The following ABL2 variants were observed in gnomAD, a reference collection of about 807,000 sequenced individuals.
ABL2 encodes the protein tyrosine-protein kinase ABL2.
ABL2 carries 49 observed loss-of-function variants against 107.7 expected under a neutral mutation model. That is an observed-to-expected ratio of 0.45 (90% CI 0.36 to 0.58). The LOEUF (loss-of-function observed/expected upper bound fraction) is 0.58, where lower values mean the gene tolerates loss of function less well. Among genes scored for constraint, ABL2 ranks in the 20% least tolerant of loss-of-function variants. The pLI is 0.00. For missense variants in ABL2, 1,245 were observed against 1,457.0 expected, an observed-to-expected ratio of 0.85 and a Z score of 2.37; for synonymous variants, 549 against 548.6, an observed-to-expected ratio of 1.00 and a Z score of -0.01.
At chr1:179,174,291 TAAA>T (rs1356030133) in intron 1 of ABL2, among the ~76,000 whole-genome samples, 1 of 117,412 alleles carries the variant, frequency 8.5e-6, no homozygotes. Flanking sequence ...CTGTCTCCAA[TAAA>T]AAAAAAAAAA....
At chr1:179,166,116 C>T (rs1353535560) in intron 1 of ABL2, among the ~76,000 whole-genome samples, 2 of 151,984 alleles carry the variant, frequency 1.3e-5, no homozygotes, top group Non-Finnish European at 2.9e-5. Flanking sequence ...GACTTTTAAA[C>T]GTCAGACCTG....
rs752311529 is a variant in ABL2 at position 179,108,468 on chromosome 1, G to A, written c.2799C>T (p.Val933=). The change falls in exon 12 of 12, where the codon GTC becomes GTT. Residue 933 remains valine, a synonymous_variant. Coordinates refer to ENST00000502732, the MANE Select transcript of ABL2 (RefSeq NM_007314.4). ...TGTGTTTCAGAGTGGGTGAGATAAG[G>A]ACTGGCACTTTGTGGTTGTGAGTGG... The part of the protein sequence containing the change: ...LPTTHNHKVP[V]LISPTLKHTP... 3 of 1,614,244 alleles carry A rather than the reference G, an allele frequency of 1.9e-6. No homozygotes were observed. The South Asian group carries it at 3.3e-5, about 18-fold the overall frequency.
At chr1:179,202,810 G>A (rs2102849484) in intron 1 of ABL2, among the ~76,000 whole-genome samples, 1 of 152,242 alleles carries the variant, frequency 6.6e-6, no homozygotes, top group South Asian at 2.1e-4. Context: ...CAAAAGTACT[G>A]GATGTTAAAT....
At chr1:179,172,176 G>C (rs1659761720) in intron 1 of ABL2, among the ~76,000 whole-genome samples, 1 of 152,164 alleles carries the variant, frequency 6.6e-6, no homozygotes, top group Non-Finnish European at 1.5e-5. Flanking sequence ...GTTGGTATAT[G>C]CTACACTTAA....
intron 1 of ABL2, among the ~76,000 whole-genome samples, chr1:179,215,434 T>C (rs1247863345): frequency 2.0e-5 from 3 of 152,276 alleles, no homozygotes; most frequent in Non-Finnish European, 2.9e-5. Context: ...TATATTTTTA[T>C]GCAACTGAAA....
chr1:179,201,880 A>T (rs1383795686), intron 1 of ABL2: 3 of 1,343,466 alleles, frequency 2.2e-6, no homozygotes, highest in Middle Eastern at 3.0e-4. Flanking sequence ...ACCCTCTACA[A>T]CACCTCCATT....
At chr1:179,133,858 A>T (rs1251044787) in intron 1 of ABL2, among the ~76,000 whole-genome samples, 2 of 152,216 alleles carry the variant, frequency 1.3e-5, no homozygotes, top group African/African-American at 4.8e-5. Flanking sequence ...ATAACAATAT[A>T]TTGTAATAAA....
chr1:179,191,375 T>C (rs555651976), intron 1 of ABL2, among the ~76,000 whole-genome samples: 1 of 151,700 alleles, frequency 6.6e-6, no homozygotes, highest in Non-Finnish European at 1.5e-5. Context: ...AGATGTTGTA[T>C]GATAGTATGA....
intron 1 of ABL2, among the ~76,000 whole-genome samples, chr1:179,144,200 G>A (rs1657831625): frequency 6.6e-6 from 1 of 152,108 alleles, no homozygotes; most frequent in Non-Finnish European, 1.5e-5. Flanking sequence ...GCTCACGCCT[G>A]TAATCCCAGC....
intron 1 of ABL2, among the ~76,000 whole-genome samples, chr1:179,136,290 T>C (rs1255533590): frequency 1.2e-4 from 18 of 151,380 alleles, no homozygotes; most frequent in Admixed American, 6.6e-4. Context: ...GGGGAAAAGA[T>C]TGAGAAATCG....
At chr1:179,136,709 A>AAAATCAAT (rs1657032749) in intron 1 of ABL2, among the ~76,000 whole-genome samples, 1 of 140,642 alleles carries the variant, frequency 7.1e-6, no homozygotes. Flanking sequence ...TGATCAATAA[A>AAAATCAAT]AAATAAATAA....
intron 1 of ABL2, among the ~76,000 whole-genome samples, chr1:179,223,001 T>C (rs1452067142): frequency 4.0e-5 from 6 of 149,578 alleles, no homozygotes; most frequent in Non-Finnish European, 8.9e-5. Context: ...TCCCAGCTAC[T>C]CGGGAGGCTG....
intron 1 of ABL2, among the ~76,000 whole-genome samples, chr1:179,160,130 A>G (rs998342522): frequency 9.2e-5 from 14 of 152,116 alleles, no homozygotes; most frequent in Admixed American, 4.6e-4. Context: ...CAAAACAAAA[A>G]CATACATAAC....
chr1:179,099,398 G>C lies in ABL2; in HGVS notation c.*8320C>G, dbSNP rs1283920284. The C allele has an allele frequency of 9.6e-6, 2 of 209,248 alleles. No individual in the cohort carries two copies. Among genetic ancestry groups the C allele is most frequent in the Non-Finnish European group, 1.9e-5 (2 of 103,020 alleles). 13.0% of individuals were successfully genotyped at this position (209,248 alleles called of 1,614,324 possible). ...ACTTGGCAAACCTTGTGAGAAGACA[G>C]AGAAAGCAGTCCCTTTCAAGGGCCT... On this transcript the variant is annotated 3_prime_UTR_variant, in exon 12 of 12. Coordinates refer to ENST00000502732, the MANE Select transcript of ABL2 (RefSeq NM_007314.4).
intron 1 of ABL2, among the ~76,000 whole-genome samples, chr1:179,218,895 T>C (rs1219448017): frequency 6.6e-6 from 1 of 152,228 alleles, no homozygotes; most frequent in East Asian, 1.9e-4. Flanking sequence ...AACTGTTCTA[T>C]ATGATTTGAA....
chr1:179,223,156 G>C (rs1434597286), intron 1 of ABL2, among the ~76,000 whole-genome samples: 2 of 147,874 alleles, frequency 1.4e-5, no homozygotes, highest in Non-Finnish European at 1.5e-5. Context: ...CCTCATGTCT[G>C]TAATCCCAGC....
At chr1:179,147,802 T>C (rs930035836) in intron 1 of ABL2, among the ~76,000 whole-genome samples, 2 of 152,174 alleles carry the variant, frequency 1.3e-5, no homozygotes, top group African/African-American at 2.4e-5. Flanking sequence ...CTAGGCAATA[T>C]ATCCATGGAA....
intron 1 of ABL2, among the ~76,000 whole-genome samples, chr1:179,223,797 C>T (rs1328205455): frequency 6.6e-6 from 1 of 151,890 alleles, no homozygotes; most frequent in Non-Finnish European, 1.5e-5. Context: ...CGTTTTCAAC[C>T]TGGGGTGCCA....
intron 4 of ABL2, among the ~76,000 whole-genome samples, chr1:179,122,803 G>A (rs1003567610): frequency 1.3e-5 from 2 of 151,960 alleles, no homozygotes; most frequent in Non-Finnish European, 2.9e-5. Flanking sequence ...ACAGGCATGC[G>A]CCATCACGCC....
Sources: gnomAD v4.1 joint callset for allele counts (sites outside exome capture counted in the v4.1 genomes callset) on GRCh38, gnomAD v4.1.1 for gene constraint, MANE v1.5 for transcripts, NCBI Gene and HGNC (gene_info 2026-07-23, HGNC 2026-07-21) for gene names.